The following NCKAP5 variants were observed in gnomAD, a reference collection of about 807,000 sequenced individuals.
The protein encoded by NCKAP5 is NCK associated protein 5.
A neutral mutation model predicts 167.0 loss-of-function variants in NCKAP5; 92 were observed. That is an observed-to-expected ratio of 0.55 (90% CI 0.47 to 0.66). NCKAP5 has a LOEUF of 0.66. NCKAP5 is among the 30% of genes least tolerant of loss of function. NCKAP5 has a pLI of 0.00. For synonymous variants in NCKAP5, 891 were observed against 877.4 expected (o/e 1.02, Z -0.27); for missense variants, 2,378 against 2,315.0 (o/e 1.03, Z -0.56).
chr2:132,774,064 TC>T (rs1013537779), intron 15 of NCKAP5, among the ~76,000 whole-genome samples, 170 bp from the exon 16 acceptor site: 30 of 152,370 alleles, frequency 2.0e-4, no homozygotes, highest in African/African-American at 6.0e-4. Flanking sequence ...TACATTTTTT[TC>T]GTTCTACTTT....
intron 6 of NCKAP5, among the ~76,000 whole-genome samples, chr2:133,065,816 G>C (rs565553281): frequency 6.6e-6 from 1 of 152,258 alleles, no homozygotes; most frequent in South Asian, 2.1e-4. Context: ...GTAGAGTCTT[G>C]TCTGGCATTT....
intron 3 of NCKAP5, among the ~76,000 whole-genome samples, chr2:133,439,101 T>C (rs963970030): frequency 2.6e-5 from 4 of 152,240 alleles, no homozygotes; most frequent in Non-Finnish European, 4.4e-5. Flanking sequence ...AAAAGAGAGA[T>C]AGCATCCACA....
the NCKAP5 span, among the ~76,000 whole-genome samples, chr2:133,589,456 C>T: frequency 3.3e-5 from 5 of 152,094 alleles, no homozygotes; most frequent in African/African-American, 1.2e-4. Context: ...ACCTAGCAAG[C>T]ATCCAAATGA....
At chr2:133,509,355 CA>C (rs1443274618) in intron 3 of NCKAP5, among the ~76,000 whole-genome samples, 2 of 152,164 alleles carry the variant, frequency 1.3e-5, no homozygotes, top group Non-Finnish European at 2.9e-5. Context: ...AACAAACAAA[CA>C]AAAAACTTTA....
chr2:133,386,211 T>G (rs980027631), intron 3 of NCKAP5, among the ~76,000 whole-genome samples: 2 of 152,258 alleles, frequency 1.3e-5, no homozygotes, highest in African/African-American at 4.8e-5. Context: ...CTCTACACAC[T>G]GCTTTAAATG....
At chr2:133,190,615 A>G (rs906605790) in intron 5 of NCKAP5, among the ~76,000 whole-genome samples, 4 of 152,096 alleles carry the variant, frequency 2.6e-5, no homozygotes, top group African/African-American at 9.7e-5. Flanking sequence ...AAATAATACC[A>G]CACATCTACA....
At chr2:132,749,273 C>T (rs1456137074) in intron 16 of NCKAP5, among the ~76,000 whole-genome samples, 3 of 151,956 alleles carry the variant, frequency 2.0e-5, no homozygotes, top group African/African-American at 7.3e-5. Flanking sequence ...ACTGTATCTC[C>T]ACTCACTACA....
intron 5 of NCKAP5, among the ~76,000 whole-genome samples, chr2:133,163,415 G>C (rs777445731): frequency 5.9e-5 from 9 of 152,206 alleles, no homozygotes; most frequent in Non-Finnish European, 1.3e-4. Context: ...GGCAAGTATA[G>C]AGGCCCATAG....
chr2:133,336,249 A>G (rs964661184), intron 3 of NCKAP5, among the ~76,000 whole-genome samples: 21 of 152,266 alleles, frequency 1.4e-4, no homozygotes, highest in African/African-American at 5.1e-4. Flanking sequence ...TTATCTGGCT[A>G]GGTAATTACT....
chr2:133,321,927 TC>T lies in NCKAP5; in HGVS notation c.70-18818del, dbSNP rs376985300. Reference sequence around the variant, plus strand: ...TTCACTCCATTTGCTAGTACTGCCTTCTCAACCATGCCTTGTCTTAGCTCAA... The same window carrying T: ...TTCACTCCATTTGCTAGTACTGCCTTTCAACCATGCCTTGTCTTAGCTCAA... On this transcript the variant is annotated intron_variant, in intron 3 of 19. Transcript: ENST00000409261. Among the ~76,000 whole-genome samples the T allele has an allele frequency of 5.6e-4, 85 of 152,322 alleles. No individual in the cohort carries two copies. The East Asian group carries it at 0.015, about 28-fold the overall frequency.
At chr2:133,134,623 A>T (rs1001797894) in intron 5 of NCKAP5, among the ~76,000 whole-genome samples, 2 of 152,220 alleles carry the variant, frequency 1.3e-5, no homozygotes, top group Non-Finnish European at 2.9e-5. Flanking sequence ...AGAATCAAAC[A>T]TACAAAGAGA....
At chr2:133,288,058 G>A (rs1679287482) in intron 4 of NCKAP5, among the ~76,000 whole-genome samples, 1 of 152,178 alleles carries the variant, frequency 6.6e-6, no homozygotes, top group Admixed American at 6.5e-5. Context: ...GAGATATTAT[G>A]AGGAGCTAAG....
At chr2:132,875,701 A>G (rs936131013) in intron 9 of NCKAP5, among the ~76,000 whole-genome samples, 16 of 152,248 alleles carry the variant, frequency 1.1e-4, no homozygotes, top group African/African-American at 3.6e-4. Flanking sequence ...GCTCACCACT[A>G]AGTGTCTGTC....
At chr2:132,898,550 G>A (rs949167703) in intron 8 of NCKAP5, among the ~76,000 whole-genome samples, 1 of 152,154 alleles carries the variant, frequency 6.6e-6, no homozygotes, top group Non-Finnish European at 1.5e-5. Context: ...GCCAGAAATA[G>A]CCTTATAAAA....
intron 3 of NCKAP5, among the ~76,000 whole-genome samples, chr2:133,403,945 C>T (rs1427825416): frequency 6.6e-6 from 1 of 151,424 alleles, no homozygotes; most frequent in Non-Finnish European, 1.5e-5. Context: ...CATACCTGAG[C>T]CCCTTGACTG....
intron 4 of NCKAP5, among the ~76,000 whole-genome samples, chr2:133,263,647 C>T (rs890107853): frequency 6.6e-6 from 1 of 152,072 alleles, no homozygotes; most frequent in Non-Finnish European, 1.5e-5. Flanking sequence ...AAGGGCTGCC[C>T]TCCATGTTCA....
At chr2:133,233,845 T>C (rs1397569957) in intron 4 of NCKAP5, among the ~76,000 whole-genome samples, 1 of 152,196 alleles carries the variant, frequency 6.6e-6, no homozygotes, top group Non-Finnish European at 1.5e-5. Context: ...TCTAAACCAC[T>C]GTACTATATA....
At chr2:133,464,838 A>G (rs927673540) in intron 3 of NCKAP5, among the ~76,000 whole-genome samples, 16 of 151,866 alleles carry the variant, frequency 1.1e-4, no homozygotes, top group Admixed American at 2.6e-4. Context: ...TCAACTTAAG[A>G]AGAGAACTTG....
intron 10 of NCKAP5, 86 bp from the exon 11 acceptor site, chr2:132,860,697 C>A: frequency 1.4e-6 from 2 of 1,423,604 alleles, no homozygotes; most frequent in East Asian, 2.5e-5. Flanking sequence ...TATCTCAGAT[C>A]ATTAGTAAAA....
Sources: gnomAD v4.1 joint callset for allele counts (sites outside exome capture counted in the v4.1 genomes callset) on GRCh38, gnomAD v4.1.1 for gene constraint, MANE v1.5 for transcripts, NCBI Gene and HGNC (gene_info 2026-07-23, HGNC 2026-07-21) for gene names.